SCYL2: variants seen among roughly 807,000 people sequenced by gnomAD.
The protein encoded by SCYL2 is SCY1 like pseudokinase 2.
Under a neutral mutation model 100.4 loss-of-function variants are expected in SCYL2, and 36 were observed. The observed-to-expected ratio is 0.36, with a 90% confidence interval of 0.27 to 0.47. The LOEUF (loss-of-function observed/expected upper bound fraction) is 0.47, where lower values mean the gene tolerates loss of function less well. SCYL2 is among the 20% of genes least tolerant of loss of function. The pLI is 1.00. For synonymous variants in SCYL2, 330 were observed against 359.2 expected, an observed-to-expected ratio of 0.92 and a Z score of 0.92; for missense variants, 902 against 1,083.9, an observed-to-expected ratio of 0.83 and a Z score of 2.36.
chr12:100,314,352 T>A (rs917440094), intron 7 of SCYL2, 137 bp from the exon 8 acceptor site: 8 of 592,608 alleles, frequency 1.3e-5, no homozygotes, highest in Admixed American at 3.8e-5. Flanking sequence ...AGTTTTATAA[T>A]TAGAATTTCT....
chr12:100,315,531 T>TC (rs1420885158), intron 8 of SCYL2, 27 bp from the exon 9 acceptor site: 1 of 1,557,164 alleles, frequency 6.4e-7, no homozygotes, highest in Non-Finnish European at 8.7e-7. Flanking sequence ...TTTTATTTTT[T>TC]TTTTAAAAAA....
chr12:100,317,204 G>T (rs537545855), intron 9 of SCYL2, among the ~76,000 whole-genome samples: 1 of 152,176 alleles, frequency 6.6e-6, no homozygotes, highest in South Asian at 2.1e-4. Flanking sequence ...TTATAATTTA[G>T]GTATGTGGAA....
At chr12:100,315,860 A>T in intron 9 of SCYL2, 126 bp downstream of exon 9, 1 of 739,786 alleles carries the variant, frequency 1.4e-6, no homozygotes, top group South Asian at 3.5e-5. Context: ...TTTCTTTTCC[A>T]TTAGTCAGAA....
At chr12:100,303,808 T>C (rs959322321) in intron 4 of SCYL2, among the ~76,000 whole-genome samples, 7 of 152,160 alleles carry the variant, frequency 4.6e-5, no homozygotes, top group African/African-American at 1.7e-4. Flanking sequence ...TCCGCTGCTC[T>C]CTTTACAGCC....
chr12:100,310,585 T>C (rs1483269655), intron 4 of SCYL2, among the ~76,000 whole-genome samples: 1 of 152,240 alleles, frequency 6.6e-6, no homozygotes, highest in Non-Finnish European at 1.5e-5. Context: ...ATTAATCCAC[T>C]GTGAGAATAA....
intron 13 of SCYL2, among the ~76,000 whole-genome samples, chr12:100,332,772 T>C (rs1952227619): frequency 1.3e-5 from 2 of 151,468 alleles, no homozygotes; most frequent in African/African-American, 4.9e-5. Context: ...TGGAGTGCAG[T>C]GGCACAATCT....
At chr12:100,272,533 T>C (rs2096288724) in intron 1 of SCYL2, among the ~76,000 whole-genome samples, 1 of 152,100 alleles carries the variant, frequency 6.6e-6, no homozygotes, top group African/African-American at 2.4e-5. Flanking sequence ...GTCTGGACGG[T>C]TTTTTCTAAG....
intron 1 of SCYL2, among the ~76,000 whole-genome samples, chr12:100,274,818 G>A (rs1279711655): frequency 6.6e-6 from 1 of 152,208 alleles, no homozygotes; most frequent in Non-Finnish European, 1.5e-5. Flanking sequence ...AATTTGGAGA[G>A]CGATAGGGCT....
chr12:100,323,381 G>C, intron 10 of SCYL2, 144 bp from the exon 11 acceptor site: 1 of 594,188 alleles, frequency 1.7e-6, no homozygotes. Flanking sequence ...ATTTTTCAAA[G>C]AGTTGTTGAA....
At chr12:100,323,073 G>A (rs902428018) in intron 10 of SCYL2, among the ~76,000 whole-genome samples, 39 of 150,162 alleles carry the variant, frequency 2.6e-4, no homozygotes, top group African/African-American at 9.3e-4. Context: ...TCGGTATGTT[G>A]TTTTAAAAAA....
intron 7 of SCYL2, 88 bp from the exon 8 acceptor site, chr12:100,314,400 AT>A (rs1019477983): frequency 2.3e-4 from 212 of 938,484 alleles, no homozygotes; most frequent in East Asian, 4.3e-4. Flanking sequence ...GTTTCTGAGT[AT>A]TTTTTTTACC....
In SCYL2 at chr12:100,267,759, C is replaced by T. The variant is rs1241722999; in HGVS notation, c.-62C>T. On this transcript the variant is annotated 5_prime_UTR_variant, in exon 1 of 18. Coordinates refer to ENST00000360820, the MANE Select transcript of SCYL2 (RefSeq NM_017988.6). ...GTTTCGGTGGTGGAGAACGTAGTAC[C>T]TTTCGGGGACATTGGACACTACTCT... 1 of 152,158 alleles carries T rather than the reference C, an allele frequency of 6.6e-6. No homozygotes were observed. Among genetic ancestry groups the T allele is most frequent in the African/African-American group, 2.4e-5 (1 of 41,416 alleles). The allele number at this position is 152,158 out of a possible 1,614,324, so 9.4% of individuals were successfully genotyped here.
intron 3 of SCYL2, among the ~76,000 whole-genome samples, chr12:100,293,803 T>G (rs1177438561): frequency 6.6e-6 from 1 of 152,170 alleles, no homozygotes; most frequent in Non-Finnish European, 1.5e-5. Context: ...CATTTAACCC[T>G]GAGTGGACAC....
rs566195516 is a variant in SCYL2 at position 100,331,582 on chromosome 12, T to A, written c.1761+2263T>A. On this transcript the variant is annotated intron_variant, in intron 13 of 17. Coordinates refer to ENST00000360820, the MANE Select transcript of SCYL2 (RefSeq NM_017988.6). ...GAGATTGCACCACTGCACTCCAGCC[T>A]GGATGACAAAGCAAGACCCTGTCTC... Among the ~76,000 whole-genome samples the A allele has an allele frequency of 2.6e-5, 4 of 152,326 alleles. No individual in the cohort carries two copies. In the South Asian group the frequency reaches 8.3e-4, roughly 32 times the overall value.
At chr12:100,335,265 G>A (rs774882432) in intron 14 of SCYL2, among the ~76,000 whole-genome samples, 3 of 151,936 alleles carry the variant, frequency 2.0e-5, no homozygotes, top group Non-Finnish European at 4.4e-5. Flanking sequence ...AGTGATTATA[G>A]CATTCATTGT....
At chr12:100,331,279 T>A (rs2135935156) in intron 13 of SCYL2, among the ~76,000 whole-genome samples, 1 of 152,334 alleles carries the variant, frequency 6.6e-6, no homozygotes, top group South Asian at 2.1e-4. Context: ...CTGTTCTTAG[T>A]TCTCATGTTT....
Position 100,334,194 on chromosome 12 carries a change from A to G in SCYL2, c.1790A>G (p.Glu597Gly), listed in dbSNP as rs1952246759. 6 of 1,602,920 alleles carry G rather than the reference A, an allele frequency of 3.7e-6. No individual in the cohort carries two copies. Residue 597 changes from glutamate (E) to glycine (G), a missense_variant, in exon 14 of 18, where the codon GAA becomes GGA. Transcript: ENST00000360820. ...AATTCTTTCATTTCCGTCATAAAAG[A>G]AATGCTTAATAGATTGGAGTCTGAA... is the stretch of plus-strand genomic sequence containing the variant. ...QFNSFISVIK[E>G]MLNRLESEHK...
chr12:100,307,006 A>C (rs1253356929), intron 4 of SCYL2, among the ~76,000 whole-genome samples: 1 of 152,216 alleles, frequency 6.6e-6, no homozygotes, highest in Non-Finnish European at 1.5e-5. Flanking sequence ...GACACAAACA[A>C]ATGGAAAAAC....
intron 12 of SCYL2, among the ~76,000 whole-genome samples, chr12:100,328,963 A>G (rs546961896): frequency 3.3e-5 from 5 of 152,308 alleles, no homozygotes; most frequent in African/African-American, 4.8e-5. Flanking sequence ...CTATCATTAA[A>G]TGTACTCCTA....
Sources: gnomAD v4.1 joint callset for allele counts (sites outside exome capture counted in the v4.1 genomes callset) on GRCh38, gnomAD v4.1.1 for gene constraint, MANE v1.5 for transcripts, NCBI Gene and HGNC (gene_info 2026-07-23, HGNC 2026-07-21) for gene names.